ARHGEF10L: variants seen among roughly 807,000 people sequenced by gnomAD.
The protein encoded by ARHGEF10L is rho guanine nucleotide exchange factor 10-like protein.
A neutral mutation model predicts 141.2 loss-of-function variants in ARHGEF10L; 69 were observed. The ratio of observed to expected loss-of-function variants is 0.49; its 90% CI spans 0.40 to 0.60. The LOEUF (loss-of-function observed/expected upper bound fraction) is 0.60, where lower values mean the gene tolerates loss of function less well. Ranked by LOEUF, ARHGEF10L falls within the 20% of genes least tolerant of loss-of-function variation. The pLI is 0.00. For missense variants in ARHGEF10L, 1,482 were observed against 1,734.3 expected (o/e 0.85, Z 2.58); for synonymous variants, 711 against 718.5 (o/e 0.99, Z 0.17).
At chr1:17,534,316 G>A in the ARHGEF10L span, among the ~76,000 whole-genome samples, 1 of 152,128 alleles carries the variant, frequency 6.6e-6, no homozygotes, top group East Asian at 1.9e-4. Flanking sequence ...TAGAGACGGG[G>A]TTTCACCATG....
At chr1:17,622,375 AG>A (rs1173258669) in intron 11 of ARHGEF10L, among the ~76,000 whole-genome samples, 9 of 152,194 alleles carry the variant, frequency 5.9e-5, no homozygotes, top group Middle Eastern at 3.4e-3. Context: ...CAGGAGGCCC[AG>A]GGGTTGCTGA....
rs2078079068 is a variant in ARHGEF10L at position 17,573,213 on chromosome 1, G to T, written c.-43-7340G>T. ...GGAGGTGAGGAAACCCACCTCTCAG[G>T]CTGCCTGCAGCCTAAACACACTCTC... is the stretch of plus-strand genomic sequence containing the variant. On this transcript the variant is annotated intron_variant, in intron 1 of 28. Transcript: ENST00000361221. This position sits in a 1 kb window ranked among gnomAD's most constrained non-coding sequence, Gnocchi z 4.8. Among the ~76,000 whole-genome samples the T allele has an allele frequency of 6.6e-6, 1 of 152,196 alleles. No individual in the cohort carries two copies. Among genetic ancestry groups the T allele is most frequent in the African/African-American group, 2.4e-5 (1 of 41,456 alleles).
the ARHGEF10L span, among the ~76,000 whole-genome samples, chr1:17,533,836 T>C: frequency 6.6e-6 from 1 of 152,208 alleles, no homozygotes; most frequent in African/African-American, 2.4e-5. Flanking sequence ...CTGTTCATGA[T>C]TGGCTTGATG....
At position 17,697,410 on chromosome 1, in the gene ARHGEF10L, C is replaced by T; in HGVS notation, c.*30C>T. On this transcript the variant is annotated 3_prime_UTR_variant, in exon 29 of 29. Transcript: ENST00000361221. This position sits in a 1 kb window ranked among gnomAD's most constrained non-coding sequence, Gnocchi z 4.8. ...TCCCCTCTCCCCTCAGAGGGCACAG[C>T]TGCAGGCCTGACCAAGGCCACGCCC... 4 of 1,556,878 alleles carry T rather than the reference C, an allele frequency of 2.6e-6. No individual in the cohort carries two copies. Among genetic ancestry groups the T allele is most frequent in the Non-Finnish European group, 3.5e-6 (4 of 1,149,446 alleles).
intron 27 of ARHGEF10L, among the ~76,000 whole-genome samples, chr1:17,688,248 G>T (rs987585986): frequency 6.6e-5 from 10 of 152,230 alleles, no homozygotes; most frequent in Non-Finnish European, 1.3e-4. Context: ...ATCTGCTGTG[G>T]CTGGGGCCCC....
At chr1:17,520,442 G>A in the ARHGEF10L span, among the ~76,000 whole-genome samples, 11 of 152,384 alleles carry the variant, frequency 7.2e-5, 1 homozygote, top group South Asian at 1.2e-3. Flanking sequence ...ACTGCGATTG[G>A]ACTGCACAGG....
At chr1:17,648,422 G>A (rs915457194) in intron 21 of ARHGEF10L, 132 bp from the exon 22 acceptor site, 3 of 1,136,422 alleles carry the variant, frequency 2.6e-6, no homozygotes, top group Non-Finnish European at 3.7e-6. Flanking sequence ...GGCAGGAGTA[G>A]GGTGGGGAGT....
chr1:17,517,724 G>A, the ARHGEF10L span, among the ~76,000 whole-genome samples: 3 of 151,164 alleles, frequency 2.0e-5, no homozygotes, highest in African/African-American at 4.9e-5. Context: ...ACAATGGCAC[G>A]ATCTTGGCTC....
chr1:17,542,827 G>A (rs1195278302), intron 1 of ARHGEF10L, among the ~76,000 whole-genome samples: 2 of 152,166 alleles, frequency 1.3e-5, no homozygotes, highest in African/African-American at 2.4e-5. Context: ...GCGAGTCAGC[G>A]AAGGCGCCAG....
At chr1:17,554,045 A>G (rs1406490053) in intron 1 of ARHGEF10L, among the ~76,000 whole-genome samples, 3 of 152,174 alleles carry the variant, frequency 2.0e-5, no homozygotes, top group Non-Finnish European at 1.5e-5. Context: ...AGTGCAGAGG[A>G]TACGTTTGCT....
At chr1:17,523,659 C>T in the ARHGEF10L span, among the ~76,000 whole-genome samples, 1 of 152,194 alleles carries the variant, frequency 6.6e-6, no homozygotes, top group Non-Finnish European at 1.5e-5. Flanking sequence ...TAGAGCCTGG[C>T]TTGGCTGAAT....
intron 4 of ARHGEF10L, among the ~76,000 whole-genome samples, chr1:17,590,684 G>T (rs2079453557): frequency 6.6e-6 from 1 of 152,142 alleles, no homozygotes; most frequent in Admixed American, 6.5e-5. Flanking sequence ...TGGAAGCAAG[G>T]AGAAAGCAAA....
intron 27 of ARHGEF10L, chr1:17,689,662 A>G: frequency 2.6e-6 from 1 of 377,946 alleles, no homozygotes; most frequent in East Asian, 7.8e-5. Flanking sequence ...TTTAGCCATT[A>G]TACAGGTTCA....
chr1:17,689,822 C>T lies in ARHGEF10L; in HGVS notation c.3184+2075C>T, dbSNP rs537877050. On this transcript the variant is annotated intron_variant, in intron 27 of 28. Coordinates refer to ENST00000361221, the MANE Select transcript of ARHGEF10L (RefSeq NM_018125.4). ...AATCTTTGGAATCTCGTCTTGTCTG[C>T]GCAGAGGAGAGTGAGAGAGAGTCAA... The T allele has an allele frequency of 5.3e-5, 24 of 455,862 alleles. No homozygotes were observed. The East Asian group carries it at 8.4e-4, about 16-fold the overall frequency. 28.2% of individuals were successfully genotyped at this position (455,862 alleles called of 1,614,324 possible).
At chr1:17,675,427 A>G (rs923414097) in intron 26 of ARHGEF10L, among the ~76,000 whole-genome samples, 3 of 151,994 alleles carry the variant, frequency 2.0e-5, no homozygotes, top group Non-Finnish European at 4.4e-5. Context: ...CTGTGCACGT[A>G]TGGGTGCAGG....
chr1:17,640,127 G>GTACT, intron 20 of ARHGEF10L, 75 bp from the exon 21 acceptor site: 3 of 1,538,410 alleles, frequency 2.0e-6, no homozygotes, highest in Non-Finnish European at 2.6e-6. Context: ...GTTGGAGGAA[G>GTACT]TACTACGTGA....
intron 20 of ARHGEF10L, 98 bp from the exon 21 acceptor site, chr1:17,640,104 C>G: frequency 6.6e-7 from 1 of 1,507,842 alleles, no homozygotes; most frequent in East Asian, 2.5e-5. Context: ...TCCTTGATCT[C>G]CAGGGCGCGT....
intron 1 of ARHGEF10L, among the ~76,000 whole-genome samples, chr1:17,556,345 G>A (rs766947456): frequency 4.0e-5 from 6 of 151,484 alleles, no homozygotes; most frequent in Non-Finnish European, 7.4e-5. Flanking sequence ...GGGTAAGCTT[G>A]GCTCTGTCAT....
intron 1 of ARHGEF10L, among the ~76,000 whole-genome samples, chr1:17,578,531 T>TA (rs1201708053): frequency 3.0e-5 from 3 of 100,368 alleles, no homozygotes; most frequent in Non-Finnish European, 7.0e-5. Context: ...GAAAAAATTT[T>TA]AAAAAATTAG....
Sources: gnomAD v4.1 joint callset for allele counts (sites outside exome capture counted in the v4.1 genomes callset) on GRCh38, gnomAD v4.1.1 for gene constraint, Gnocchi (gnomAD v3.1) non-coding constraint, MANE v1.5 for transcripts, NCBI Gene and HGNC (gene_info 2026-07-23, HGNC 2026-07-21) for gene names.